PTPRD: variants seen among roughly 807,000 people sequenced by gnomAD.
PTPRD encodes the protein receptor-type tyrosine-protein phosphatase delta.
Under a neutral mutation model 214.5 loss-of-function variants are expected in PTPRD, and 34 were observed. The ratio of observed to expected loss-of-function variants is 0.16; its 90% CI spans 0.12 to 0.21. The LOEUF is 0.21. Among genes scored for constraint, PTPRD ranks in the 10% least tolerant of loss-of-function variants. The probability of loss-of-function intolerance (pLI) is 1.00; values close to 1 mark genes in which losing one functional copy is unlikely to be tolerated. For synonymous variants in PTPRD, 1,128 were observed against 845.7 expected (o/e 1.33, Z -5.79); for missense variants, 2,545 against 2,398.7 (o/e 1.06, Z -1.27).
chr9:10,203,350 C>T (rs1446207253), intron 3 of PTPRD, among the ~76,000 whole-genome samples: 2 of 151,998 alleles, frequency 1.3e-5, no homozygotes, highest in Middle Eastern at 3.4e-3. Flanking sequence ...GAAAATAAAC[C>T]TAGCCCTAGT....
intron 39 of PTPRD, among the ~76,000 whole-genome samples, chr9:8,358,046 G>C (rs1475466463): frequency 6.6e-6 from 1 of 152,032 alleles, no homozygotes; most frequent in African/African-American, 2.4e-5. Flanking sequence ...TCAGATTCTT[G>C]CATGGTATGA....
intron 14 of PTPRD, among the ~76,000 whole-genome samples, chr9:8,566,189 GT>G (rs1366498447): frequency 6.7e-6 from 1 of 149,172 alleles, no homozygotes; most frequent in African/African-American, 2.5e-5. Context: ...GGCAGGGGTA[GT>G]TTTTTAAGCT....
chr9:10,258,393 A>G (rs201260992), intron 3 of PTPRD, among the ~76,000 whole-genome samples: 1 of 152,198 alleles, frequency 6.6e-6, no homozygotes, highest in Admixed American at 6.5e-5. Flanking sequence ...ATATTATAAC[A>G]TAAGAGAACA....
intron 44 of PTPRD, among the ~76,000 whole-genome samples, chr9:8,321,592 A>T (rs1306831339): frequency 1.3e-5 from 2 of 148,692 alleles, no homozygotes; most frequent in Non-Finnish European, 3.0e-5. Flanking sequence ...ATTTTATGAC[A>T]AAAACAATGA....
chr9:8,583,445 G>A (rs2093361347), intron 14 of PTPRD, among the ~76,000 whole-genome samples: 1 of 152,114 alleles, frequency 6.6e-6, no homozygotes, highest in South Asian at 2.1e-4. Context: ...TCAGCCTCCT[G>A]AGTAGCTAGG....
intron 11 of PTPRD, among the ~76,000 whole-genome samples, chr9:8,735,910 CA>C (rs34573821): frequency 0.12 from 15,051 of 130,518 alleles, 563 homozygotes; most frequent in East Asian, 0.16. Context: ...GACTTCGTCT[CA>C]AAAAAAAAAA....
At chr9:9,913,499 G>A (rs954684455) in intron 5 of PTPRD, among the ~76,000 whole-genome samples, 1 of 152,140 alleles carries the variant, frequency 6.6e-6, no homozygotes, top group Non-Finnish European at 1.5e-5. Context: ...TGAATAAACA[G>A]CTAAGATTGG....
intron 2 of PTPRD, among the ~76,000 whole-genome samples, chr9:10,392,776 G>C (rs574009147): frequency 1.3e-5 from 2 of 151,812 alleles, no homozygotes; most frequent in Non-Finnish European, 2.9e-5. Flanking sequence ...AGGACCATTC[G>C]GATGGAAGGA....
intron 4 of PTPRD, among the ~76,000 whole-genome samples, chr9:9,941,088 A>T (rs1423950605): frequency 5.5e-4 from 84 of 152,110 alleles, no homozygotes; most frequent in Admixed American, 5.4e-3. Flanking sequence ...TTCCAAAAAA[A>T]TCTCATGTTT....
At chr9:9,036,878 A>C (rs2099623624) in intron 10 of PTPRD, among the ~76,000 whole-genome samples, 1 of 152,168 alleles carries the variant, frequency 6.6e-6, no homozygotes, top group African/African-American at 2.4e-5. Flanking sequence ...GCAACAGAAC[A>C]CATCCAACAT....
At chr9:8,743,806 T>C (rs1027712352) in intron 11 of PTPRD, among the ~76,000 whole-genome samples, 22 of 128,120 alleles carry the variant, frequency 1.7e-4, no homozygotes, top group Admixed American at 6.4e-4. Context: ...ACAATAATAA[T>C]AATAATAATA....
At chr9:8,317,999 T>C (rs1195632308) in intron 45 of PTPRD, 57 bp from the exon 46 acceptor site, 11 of 1,521,156 alleles carry the variant, frequency 7.2e-6, no homozygotes, top group Middle Eastern at 1.7e-4. Flanking sequence ...CATATTTTAA[T>C]AGAAAAATAA....
At chr9:9,801,959 T>G (rs1258423950) in intron 5 of PTPRD, among the ~76,000 whole-genome samples, 1 of 151,934 alleles carries the variant, frequency 6.6e-6, no homozygotes, top group African/African-American at 2.4e-5. Context: ...AAGAATGGAG[T>G]CAGCTTGGAT....
At chr9:8,552,426 C>T (rs985274622) in intron 14 of PTPRD, among the ~76,000 whole-genome samples, 5 of 152,232 alleles carry the variant, frequency 3.3e-5, no homozygotes, top group South Asian at 2.1e-4. Context: ...CCACTTTTCT[C>T]CCAGAGCACT....
chr9:9,280,889 T>C (rs1377477990), intron 9 of PTPRD, among the ~76,000 whole-genome samples: 1 of 151,080 alleles, frequency 6.6e-6, no homozygotes, highest in Non-Finnish European at 1.5e-5. Context: ...AAGCTAGTTA[T>C]CAAGACAGTG....
intron 35 of PTPRD, among the ~76,000 whole-genome samples, chr9:8,434,653 G>C (rs554982811): frequency 2.6e-5 from 4 of 152,208 alleles, no homozygotes; most frequent in African/African-American, 7.2e-5. Flanking sequence ...AATAATTAAA[G>C]CAGGGCTATG....
At chr9:8,582,533 T>A (rs1316986884) in intron 14 of PTPRD, among the ~76,000 whole-genome samples, 1 of 152,046 alleles carries the variant, frequency 6.6e-6, no homozygotes. Flanking sequence ...AGTAAACAAA[T>A]GTGCATACCT....
At chr9:10,276,220 C>T (rs2094681543) in intron 3 of PTPRD, among the ~76,000 whole-genome samples, 1 of 152,166 alleles carries the variant, frequency 6.6e-6, no homozygotes, top group African/African-American at 2.4e-5. Flanking sequence ...CTTAATCCAG[C>T]CATTGCTTTC....
intron 11 of PTPRD, among the ~76,000 whole-genome samples, chr9:8,846,256 G>C (rs915380657): frequency 1.3e-5 from 2 of 152,152 alleles, no homozygotes; most frequent in African/African-American, 4.8e-5. Context: ...TGGGTTGTAA[G>C]ATTTGGGCCG....
Sources: gnomAD v4.1 joint callset for allele counts (sites outside exome capture counted in the v4.1 genomes callset) on GRCh38, gnomAD v4.1.1 for gene constraint, MANE v1.5 for transcripts, NCBI Gene and HGNC (gene_info 2026-07-23, HGNC 2026-07-21) for gene names.